IPO11: variants seen among roughly 807,000 people sequenced by gnomAD.
IPO11 encodes the protein importin 11, also known as importin-11.
In IPO11, 66 loss-of-function variants were observed where a neutral mutation model predicts 143.2. The observed-to-expected ratio is 0.46, with a 90% CI of 0.38 to 0.57. The LOEUF (loss-of-function observed/expected upper bound fraction) is 0.57. IPO11 is among the 20% of genes least tolerant of loss of function. IPO11 has a pLI of 0.00. For synonymous variants in IPO11, 385 were observed against 377.8 expected (o/e 1.02, Z -0.22); for missense variants, 1,026 against 1,141.0 (o/e 0.90, Z 1.45).
At chr5:62,489,255 A>G (rs776332607) in intron 13 of IPO11, 47 bp from the exon 14 acceptor site, 6 of 1,111,666 alleles carry the variant, frequency 5.4e-6, no homozygotes, top group East Asian at 2.7e-5. Flanking sequence ...TTAAAAAACT[A>G]GTTTTATTTG....
chr5:62,481,602 A>G (rs1746215676), intron 9 of IPO11, among the ~76,000 whole-genome samples: 1 of 152,148 alleles, frequency 6.6e-6, no homozygotes, highest in African/African-American at 2.4e-5. Flanking sequence ...GCATCCCAGG[A>G]ATGAAGCCCA....
At chr5:62,449,497 T>A (rs1275068092) in intron 3 of IPO11, among the ~76,000 whole-genome samples, 1 of 151,960 alleles carries the variant, frequency 6.6e-6, no homozygotes, top group African/African-American at 2.4e-5. Flanking sequence ...TTTACTTGTA[T>A]AGATTTTTTT....
chr5:62,521,007 C>A (rs1164454075), intron 20 of IPO11, among the ~76,000 whole-genome samples: 1 of 152,230 alleles, frequency 6.6e-6, no homozygotes, highest in South Asian at 2.1e-4. Flanking sequence ...ACATCCTCTC[C>A]AGCACCTGTT....
At chr5:62,585,385 T>G (rs1018936707) in intron 27 of IPO11, among the ~76,000 whole-genome samples, 2 of 152,184 alleles carry the variant, frequency 1.3e-5, no homozygotes, top group Non-Finnish European at 2.9e-5. Flanking sequence ...AGTCTTATTA[T>G]AAATGCTACT....
At chr5:62,518,974 GC>G (rs1742120252) in intron 20 of IPO11, among the ~76,000 whole-genome samples, 1 of 152,134 alleles carries the variant, frequency 6.6e-6, no homozygotes, top group South Asian at 2.1e-4. Flanking sequence ...TGTGTTAATT[GC>G]CCTTTTAGCA....
chr5:62,435,212 G>GTATATATATA (rs70981007), intron 1 of IPO11, among the ~76,000 whole-genome samples: 2 of 79,666 alleles, frequency 2.5e-5, no homozygotes, highest in Non-Finnish European at 4.9e-5. Flanking sequence ...ATATATATGT[G>GTATATATATA]TATATATATA....
chr5:62,492,534 G>C (rs1216620832), intron 15 of IPO11, among the ~76,000 whole-genome samples: 1 of 151,602 alleles, frequency 6.6e-6, no homozygotes, highest in Middle Eastern at 3.4e-3. Flanking sequence ...ACTTTTTTTT[G>C]TAACTTTATT....
chr5:62,459,960 A>G (rs1035984460), intron 5 of IPO11, among the ~76,000 whole-genome samples: 2 of 152,248 alleles, frequency 1.3e-5, no homozygotes, highest in East Asian at 3.8e-4. Context: ...AACATGGAAA[A>G]GTAAAGAAAA....
At chr5:62,487,636 T>TC (rs1746458501) in intron 12 of IPO11, 135 bp from the exon 13 acceptor site, 1 of 984,810 alleles carries the variant, frequency 1.0e-6, no homozygotes, top group South Asian at 4.6e-5. Flanking sequence ...CCTTACTTTT[T>TC]TTTTTTAACA....
chr5:62,557,362 T>C (rs1294081735), intron 26 of IPO11, among the ~76,000 whole-genome samples: 1 of 152,180 alleles, frequency 6.6e-6, no homozygotes, highest in Non-Finnish European at 1.5e-5. Context: ...TTTGTATTTT[T>C]AGTAGAGACA....
chr5:62,578,792 TA>T (rs746071621), intron 27 of IPO11: 58,381 of 331,340 alleles, frequency 0.18, 61 homozygotes, highest in Middle Eastern at 0.35. Flanking sequence ...AACGGTGACT[TA>T]AAAAAAAAAA....
At chr5:62,438,237 T>C (rs564915457) in intron 2 of IPO11, among the ~76,000 whole-genome samples, 3 of 152,312 alleles carry the variant, frequency 2.0e-5, no homozygotes, top group Admixed American at 1.3e-4. Flanking sequence ...GTTTGAGTTG[T>C]TTGTTAAATT....
At chr5:62,447,068 C>A (rs888267985) in intron 3 of IPO11, among the ~76,000 whole-genome samples, 7 of 151,286 alleles carry the variant, frequency 4.6e-5, no homozygotes, top group African/African-American at 1.7e-4. Context: ...AATTTAATTA[C>A]CTTTCTATGA....
intron 5 of IPO11, among the ~76,000 whole-genome samples, chr5:62,463,990 A>G (rs1309478750): frequency 1.3e-5 from 2 of 151,374 alleles, no homozygotes. Flanking sequence ...CGCCCAGCTA[A>G]TTTTTGTATT....
intron 27 of IPO11, chr5:62,580,491 G>A: frequency 6.4e-7 from 1 of 1,551,378 alleles, no homozygotes; most frequent in Non-Finnish European, 8.7e-7. Context: ...TGTCTTCATT[G>A]ATTCATCTTC....
chr5:62,505,543 AC>A (rs1270417494), intron 18 of IPO11, among the ~76,000 whole-genome samples: 3 of 152,080 alleles, frequency 2.0e-5, no homozygotes, highest in Non-Finnish European at 4.4e-5. Flanking sequence ...TAAAATAATC[AC>A]TAGACATTTT....
At chr5:62,417,321 A>ATTTTTTTTTTTTTTTTT (rs34767317) in intron 1 of IPO11, among the ~76,000 whole-genome samples, 1 of 65,330 alleles carries the variant, frequency 1.5e-5, no homozygotes, top group Admixed American at 1.9e-4. Context: ...TTATTGGTTA[A>ATTTTTTTTTTTTTTTTT]TTTTTTTTTT....
At chr5:62,435,092 GTATATATGTA>G (rs1204799227) in intron 1 of IPO11, among the ~76,000 whole-genome samples, 4 of 58,266 alleles carry the variant, frequency 6.9e-5, no homozygotes, top group Non-Finnish European at 1.1e-4. Context: ...GTGTATATAT[GTATATATGTA>G]TATATATGTA....
In IPO11 at chr5:62,470,198, A is replaced by C; in HGVS notation, c.650-52A>C. On this transcript the variant is annotated intron_variant, in intron 6 of 29. Coordinates refer to ENST00000325324, the MANE Select transcript of IPO11 (RefSeq NM_016338.5). The stretch of plus-strand genomic sequence containing the variant: ...AATTCTGAATCTTTCTTGTGATTGT[A>C]ATTTTAGTAGGATAAAATAAGATTC... 4.6e-6 allele frequency: 7 copies of C among 1,518,206 alleles called. No homozygotes were observed. In the South Asian group the frequency reaches 7.9e-5, roughly 17 times the overall value. 94.0% of individuals were successfully genotyped at this position (1,518,206 alleles called of 1,614,324 possible).
Sources: gnomAD v4.1 joint callset for allele counts (sites outside exome capture counted in the v4.1 genomes callset) on GRCh38, gnomAD v4.1.1 for gene constraint, MANE v1.5 for transcripts, NCBI Gene and HGNC (gene_info 2026-07-23, HGNC 2026-07-21) for gene names.